The following NBAS variants were observed in gnomAD, a reference collection of about 807,000 sequenced individuals.
The protein encoded by NBAS is NBAS subunit of NRZ tethering complex.
NBAS carries 219 observed loss-of-function variants against 302.5 expected under a neutral mutation model. That is an observed-to-expected ratio of 0.72 (90% CI 0.65 to 0.81). NBAS has a LOEUF of 0.81. NBAS is among the 30% of genes least tolerant of loss of function. NBAS has a pLI of 0.00. For synonymous variants in NBAS, 1,118 were observed against 1,021.6 expected (o/e 1.09, Z -1.80); for missense variants, 2,932 against 2,841.6 (o/e 1.03, Z -0.72).
intron 19 of NBAS, among the ~76,000 whole-genome samples, chr2:15,464,761 T>G (rs1679650854): frequency 6.6e-6 from 1 of 152,166 alleles, no homozygotes; most frequent in Admixed American, 6.5e-5. Flanking sequence ...ATTCAACTAC[T>G]TACATGGCAG....
At chr2:15,376,312 G>C (rs1674733766) in intron 30 of NBAS, among the ~76,000 whole-genome samples, 1 of 152,132 alleles carries the variant, frequency 6.6e-6, no homozygotes, top group Non-Finnish European at 1.5e-5. Context: ...GGTGATGAAG[G>C]TGTGTCCTTG....
chr2:15,495,353 A>G (rs1681025977), intron 11 of NBAS, among the ~76,000 whole-genome samples: 1 of 152,196 alleles, frequency 6.6e-6, no homozygotes, highest in African/African-American at 2.4e-5. Flanking sequence ...TTTAAATCCA[A>G]CTACTAATTT....
chr2:15,316,022 GGTAA>G (rs1671491023), intron 38 of NBAS, among the ~76,000 whole-genome samples: 1 of 152,066 alleles, frequency 6.6e-6, no homozygotes, highest in Non-Finnish European at 1.5e-5. Flanking sequence ...CAGAAAAGAT[GGTAA>G]GTAAGTTTCA....
chr2:15,423,653 G>C (rs1438380762), intron 23 of NBAS, among the ~76,000 whole-genome samples: 1 of 152,148 alleles, frequency 6.6e-6, no homozygotes, highest in East Asian at 1.9e-4. Flanking sequence ...AAAAAGTGAA[G>C]ACTGAACGTG....
chr2:15,060,403 G>A, the NBAS span, among the ~76,000 whole-genome samples: 14 of 152,112 alleles, frequency 9.2e-5, no homozygotes, highest in African/African-American at 3.4e-4. Context: ...TAATGAACTC[G>A]GTGGACTGCA....
At chr2:15,247,335 C>T (rs1339177975) in intron 44 of NBAS, among the ~76,000 whole-genome samples, 1 of 152,052 alleles carries the variant, frequency 6.6e-6, no homozygotes, top group Admixed American at 6.6e-5. Context: ...CAATTAACGG[C>T]CAAAATAACC....
At chr2:15,222,605 T>G (rs1666993614) in intron 47 of NBAS, among the ~76,000 whole-genome samples, 1 of 152,230 alleles carries the variant, frequency 6.6e-6, no homozygotes, top group East Asian at 1.9e-4. Flanking sequence ...ATCTCCAATT[T>G]GTAGATGAGG....
intron 24 of NBAS, among the ~76,000 whole-genome samples, chr2:15,416,494 A>G (rs1022195846): frequency 1.3e-5 from 2 of 152,168 alleles, no homozygotes; most frequent in African/African-American, 4.8e-5. Context: ...GGGAAAGTAA[A>G]GACAGAGGGA....
chr2:15,093,110 A>G, the NBAS span, among the ~76,000 whole-genome samples: 56 of 152,122 alleles, frequency 3.7e-4, no homozygotes, highest in Admixed American at 3.3e-3. Context: ...AAAGACGTGA[A>G]ACTAAAATAA....
chr2:15,109,632 C>G, the NBAS span, among the ~76,000 whole-genome samples: 21 of 152,052 alleles, frequency 1.4e-4, no homozygotes, highest in African/African-American at 4.8e-4. Context: ...GTGGTGAGCA[C>G]CCTCTTCCAG....
intron 12 of NBAS, among the ~76,000 whole-genome samples, chr2:15,488,570 T>A (rs1168980554): frequency 2.0e-5 from 3 of 152,174 alleles, no homozygotes; most frequent in African/African-American, 7.2e-5. Flanking sequence ...AAATCCTTGA[T>A]AATATTAACT....
chr2:15,539,309 C>A lies in NBAS; in HGVS notation c.427G>T (p.Asp143Tyr), dbSNP rs565228279. ...PQWRRVAWSY[D>Y]CTLLAYAEST... Reference sequence around the variant, plus strand: ...TCGGCATAGGCCAGTAGGGTACAATCGTAACTCCATGCTACCCGTCTCCAC... The same window carrying A: ...TCGGCATAGGCCAGTAGGGTACAATAGTAACTCCATGCTACCCGTCTCCAC... The change falls in exon 7 of 52, where the codon GAT (aspartate) becomes TAT (tyrosine). Residue 143 changes from aspartate (D) to tyrosine (Y), a missense_variant. By Grantham distance (160) the Asp-to-Tyr change is radical. Transcript: ENST00000281513. 11 of 1,614,096 alleles carry A rather than the reference C, an allele frequency of 6.8e-6. No individual in the cohort carries two copies. The highest frequency in any genetic ancestry group is 9.3e-6 in the Non-Finnish European group (11 of 1,180,046).
At chr2:14,850,166 G>C in the NBAS span, among the ~76,000 whole-genome samples, 1 of 134,862 alleles carries the variant, frequency 7.4e-6, no homozygotes. Context: ...CCATCAGTGT[G>C]CTGTATTCAG....
the NBAS span, among the ~76,000 whole-genome samples, chr2:14,980,187 G>T: frequency 1.3e-5 from 2 of 152,022 alleles, no homozygotes; most frequent in Non-Finnish European, 2.9e-5. Context: ...GCACATGGAT[G>T]TACACGAGAG....
At chr2:14,790,799 G>A in the NBAS span, among the ~76,000 whole-genome samples, 2 of 152,056 alleles carry the variant, frequency 1.3e-5, no homozygotes, top group East Asian at 3.9e-4. Flanking sequence ...TTACAGGCAT[G>A]TGCCACCACA....
At chr2:15,428,206 A>C (rs1677575272) in intron 21 of NBAS, among the ~76,000 whole-genome samples, 1 of 152,212 alleles carries the variant, frequency 6.6e-6, no homozygotes, top group African/African-American at 2.4e-5. Context: ...CATCTTTGCT[A>C]TCCAATACAG....
intron 48 of NBAS, among the ~76,000 whole-genome samples, chr2:15,210,774 T>C (rs984124213): frequency 2.0e-5 from 3 of 152,168 alleles, no homozygotes; most frequent in Admixed American, 6.5e-5. Flanking sequence ...ATATATACAA[T>C]GGAGTACTAT....
At chr2:14,785,070 C>T in the NBAS span, among the ~76,000 whole-genome samples, 9 of 151,798 alleles carry the variant, frequency 5.9e-5, no homozygotes, top group Non-Finnish European at 8.8e-5. Context: ...TATTTTATTC[C>T]CTTTGAAGCA....
intron 9 of NBAS, among the ~76,000 whole-genome samples, chr2:15,530,365 T>C (rs751842151): frequency 3.3e-5 from 5 of 151,836 alleles, no homozygotes; most frequent in Non-Finnish European, 5.9e-5. Flanking sequence ...ATGAAAAATA[T>C]AACAATAAAA....
Sources: allele counts gnomAD v4.1 joint callset (sites outside exome capture counted in the v4.1 genomes callset), GRCh38; gene constraint gnomAD v4.1.1; transcripts MANE v1.5; gene names NCBI Gene and HGNC (gene_info 2026-07-23, HGNC 2026-07-21).